UVRAG: variants seen among roughly 807,000 people sequenced by gnomAD.
The protein encoded by UVRAG is UV radiation resistance associated.
UVRAG carries 19 observed loss-of-function variants against 78.0 expected under a neutral mutation model. The ratio of observed to expected loss-of-function variants is 0.24; its 90% confidence interval spans 0.17 to 0.36. UVRAG has a LOEUF of 0.36. UVRAG is among the 10% of genes least tolerant of loss of function. The pLI is 1.00. For missense variants in UVRAG, 740 were observed against 853.8 expected (o/e 0.87, Z 1.66); for synonymous variants, 323 against 324.6 (o/e 1.00, Z 0.05).
chr11:75,909,512 C>CT (rs967141760), intron 5 of UVRAG, among the ~76,000 whole-genome samples: 12 of 151,850 alleles, frequency 7.9e-5, no homozygotes, highest in African/African-American at 2.9e-4. Context: ...CAATGTTGAT[C>CT]TTTTTAAAAA....
At chr11:75,878,753 C>G (rs866977218) in intron 3 of UVRAG, among the ~76,000 whole-genome samples, 6 of 152,096 alleles carry the variant, frequency 3.9e-5, no homozygotes, top group East Asian at 1.9e-4. Flanking sequence ...CGCAGGCACT[C>G]GGCAGGCTGA....
intron 2 of UVRAG, among the ~76,000 whole-genome samples, chr11:75,854,683 C>T (rs1946246465): frequency 6.6e-6 from 1 of 152,176 alleles, no homozygotes; most frequent in African/African-American, 2.4e-5. Context: ...TCCCAAAATG[C>T]TGGGATTATA....
chr11:75,836,344 A>G (rs537859404), intron 1 of UVRAG, among the ~76,000 whole-genome samples: 11 of 152,302 alleles, frequency 7.2e-5, no homozygotes, highest in Non-Finnish European at 1.3e-4. Context: ...TATTTTTCAG[A>G]TAATAAAACT....
intron 13 of UVRAG, among the ~76,000 whole-genome samples, chr11:76,099,722 G>A (rs904366490): frequency 6.6e-6 from 1 of 151,734 alleles, no homozygotes; most frequent in Non-Finnish European, 1.5e-5. Context: ...TTTTATCTTT[G>A]TTTCTGTTTA....
chr11:76,093,621 T>C (rs2134431925), intron 13 of UVRAG, among the ~76,000 whole-genome samples: 1 of 152,360 alleles, frequency 6.6e-6, no homozygotes, highest in East Asian at 1.9e-4. Flanking sequence ...TTTGAAGCAG[T>C]TGTGAATGGG....
At chr11:76,051,504 A>G (rs769825164) in intron 12 of UVRAG, among the ~76,000 whole-genome samples, 9 of 152,216 alleles carry the variant, frequency 5.9e-5, no homozygotes, top group Admixed American at 3.3e-4. Flanking sequence ...GAAGGTTTCT[A>G]TAAGGAAATT....
intron 13 of UVRAG, among the ~76,000 whole-genome samples, chr11:76,111,163 T>A (rs1176900337): frequency 6.6e-6 from 1 of 152,142 alleles, no homozygotes; most frequent in African/African-American, 2.4e-5. Context: ...TTAAATAATT[T>A]TAAAATTTTA....
At chr11:76,024,678 T>A (rs1950299190) in intron 12 of UVRAG, among the ~76,000 whole-genome samples, 1 of 152,210 alleles carries the variant, frequency 6.6e-6, no homozygotes, top group South Asian at 2.1e-4. Context: ...TTTTATGCAT[T>A]TTTGTGAAGT....
At chr11:75,997,070 C>G (rs1284549718) in intron 8 of UVRAG, among the ~76,000 whole-genome samples, 1 of 152,136 alleles carries the variant, frequency 6.6e-6, no homozygotes, top group African/African-American at 2.4e-5. Flanking sequence ...GAAATAAAGT[C>G]AGTTGTAATT....
chr11:76,005,977 T>A (rs759346794), intron 9 of UVRAG, among the ~76,000 whole-genome samples: 25 of 134,624 alleles, frequency 1.9e-4, no homozygotes, highest in Non-Finnish European at 3.3e-4. Flanking sequence ...TCATTAGATC[T>A]TGTTGTGCAA....
chr11:76,115,160 C>T (rs553210249), intron 13 of UVRAG, among the ~76,000 whole-genome samples: 1 of 152,272 alleles, frequency 6.6e-6, no homozygotes, highest in Non-Finnish European at 1.5e-5. Flanking sequence ...AAGTGAAGAA[C>T]AGACCGATGA....
chr11:75,835,309 A>G (rs1353285893), intron 1 of UVRAG: 1 of 152,212 alleles, frequency 6.6e-6, no homozygotes, highest in African/African-American at 2.4e-5. Context: ...AAAACTCATT[A>G]CCTTTGGATC....
intron 5 of UVRAG, among the ~76,000 whole-genome samples, chr11:75,896,635 G>T (rs1947349824): frequency 1.3e-5 from 2 of 152,154 alleles, no homozygotes; most frequent in Non-Finnish European, 2.9e-5. Flanking sequence ...TATATCTCTA[G>T]CACAGTGCCT....
chr11:75,852,049 T>G, intron 2 of UVRAG, 49 bp downstream of exon 2: 1 of 1,364,966 alleles, frequency 7.3e-7, no homozygotes, highest in Non-Finnish European at 1.0e-6. Flanking sequence ...TATTTTTATT[T>G]TTTTTGTAAC....
chr11:75,858,895 T>C (rs1946353112), intron 2 of UVRAG, among the ~76,000 whole-genome samples: 1 of 152,200 alleles, frequency 6.6e-6, no homozygotes. Flanking sequence ...TCTATGAGTA[T>C]TAGGATGAGG....
intron 3 of UVRAG, among the ~76,000 whole-genome samples, chr11:75,876,787 G>GTAATT (rs112378651): frequency 0.068 from 10,334 of 151,008 alleles, 512 homozygotes; most frequent in African/African-American, 0.14. Context: ...ATGAAAATTG[G>GTAATT]TAATAGGTTG....
At chr11:75,986,982 C>G (rs899480347) in intron 8 of UVRAG, among the ~76,000 whole-genome samples, 1 of 152,276 alleles carries the variant, frequency 6.6e-6, no homozygotes, top group African/African-American at 2.4e-5. Flanking sequence ...ATGGATATGT[C>G]ACATTTTAAA....
At chr11:75,969,323 C>T (rs1284201839) in intron 7 of UVRAG, among the ~76,000 whole-genome samples, 1 of 152,180 alleles carries the variant, frequency 6.6e-6, no homozygotes, top group Non-Finnish European at 1.5e-5. Context: ...CAGAAATTTC[C>T]TTCCTGATTA....
At chr11:76,099,218 G>A (rs968634149) in intron 13 of UVRAG, among the ~76,000 whole-genome samples, 2 of 152,184 alleles carry the variant, frequency 1.3e-5, no homozygotes, top group African/African-American at 4.8e-5. Context: ...CATGATATTA[G>A]CTGCTGGGCA....
Sources: allele counts gnomAD v4.1 joint callset (sites outside exome capture counted in the v4.1 genomes callset), GRCh38; gene constraint gnomAD v4.1.1; transcripts MANE v1.5; gene names NCBI Gene and HGNC (gene_info 2026-07-23, HGNC 2026-07-21).